Variants in KRABD3 observed in about 807,000 individuals in gnomAD.
KRABD3 encodes KRAB domain containing 3, also known as KRAB domain-containing protein 3.
the KRABD3 span, chr7:149,730,369 C>G: frequency 6.5e-6 from 10 of 1,548,558 alleles, no homozygotes; most frequent in Non-Finnish European, 8.7e-6. Flanking sequence ...GGGAGGATAG[C>G]GGGATGTGTG....
the KRABD3 span, chr7:149,723,820 C>A: frequency 6.2e-7 from 1 of 1,613,956 alleles, no homozygotes; most frequent in Non-Finnish European, 8.5e-7. Flanking sequence ...GGACAGGCAT[C>A]CCAGTCCCTC....
chr7:149,714,990 T>A, the KRABD3 span: 1 of 1,202,176 alleles, frequency 8.3e-7, no homozygotes. Context: ...CCGACGAGGG[T>A]CGCGTGCGCC....
At chr7:149,729,955 G>T in the KRABD3 span, 14 of 1,289,174 alleles carry the variant, frequency 1.1e-5, no homozygotes, top group Non-Finnish European at 1.4e-5. Flanking sequence ...AGCTGCTGGG[G>T]TCCTGGCCAG....
the KRABD3 span, among the ~76,000 whole-genome samples, chr7:149,727,772 G>C: frequency 6.6e-6 from 1 of 152,168 alleles, no homozygotes; most frequent in Non-Finnish European, 1.5e-5. Flanking sequence ...GGCTCCCTCT[G>C]TTGCCCCAGA....
At chr7:149,733,338 G>A in the KRABD3 span, 1 of 1,612,378 alleles carries the variant, frequency 6.2e-7, no homozygotes, top group Admixed American at 1.7e-5. Context: ...CCATGCCACT[G>A]TGGGAAGCCC....
the KRABD3 span, chr7:149,721,046 GCAC>G: frequency 6.3e-7 from 1 of 1,590,568 alleles, no homozygotes; most frequent in African/African-American, 1.3e-5. Context: ...GCATGATGAA[GCAC>G]AAGTCCACGG....
At chr7:149,715,839 G>T in the KRABD3 span, among the ~76,000 whole-genome samples, 2 of 152,222 alleles carry the variant, frequency 1.3e-5, no homozygotes, top group African/African-American at 4.8e-5. Context: ...GGACAGTCAA[G>T]TGTCCTTTTC....
chr7:149,728,398 C>A, the KRABD3 span: 1 of 1,120,640 alleles, frequency 8.9e-7, no homozygotes, highest in Non-Finnish European at 1.3e-6. Context: ...CTGACACGTC[C>A]AGTGCTCTGT....
chr7:149,716,695 G>T, the KRABD3 span, among the ~76,000 whole-genome samples: 4 of 152,216 alleles, frequency 2.6e-5, no homozygotes, highest in Admixed American at 1.3e-4. Flanking sequence ...GAAGAGCTGG[G>T]ATATATTTAG....
chr7:149,721,868 C>T, the KRABD3 span: 7 of 494,402 alleles, frequency 1.4e-5, no homozygotes, highest in African/African-American at 9.6e-5. Context: ...CTGGTCTGAT[C>T]CTTAGACCGT....
At chr7:149,720,120 TC>T in the KRABD3 span, 2 of 1,551,698 alleles carry the variant, frequency 1.3e-6, no homozygotes, top group East Asian at 4.9e-5. Context: ...GTTGTGGAGA[TC>T]CCCAGGGTAA....
the KRABD3 span, chr7:149,726,002 C>A: frequency 6.2e-7 from 1 of 1,612,650 alleles, no homozygotes; most frequent in Admixed American, 1.7e-5. Flanking sequence ...CCAGCAGCAC[C>A]GACTGGGACC....
chr7:149,723,696 A>C, the KRABD3 span: 1 of 1,596,822 alleles, frequency 6.3e-7, no homozygotes, highest in East Asian at 2.2e-5. Flanking sequence ...GGCTGAGGAC[A>C]CTGAGCTCCA....
At chr7:149,729,229 G>C in the KRABD3 span, 4 of 1,597,662 alleles carry the variant, frequency 2.5e-6, no homozygotes, top group South Asian at 1.1e-5. Flanking sequence ...TCTCGGGCAG[G>C]GTAGGGGAGA....
the KRABD3 span, chr7:149,721,790 C>T: frequency 1.5e-6 from 1 of 651,652 alleles, no homozygotes; most frequent in East Asian, 3.1e-5. Flanking sequence ...GCACTTTGTA[C>T]ACAGAAAGTC....
At chr7:149,726,891 G>A in the KRABD3 span, among the ~76,000 whole-genome samples, 3 of 152,158 alleles carry the variant, frequency 2.0e-5, no homozygotes, top group Non-Finnish European at 4.4e-5. Context: ...ATGGGTGACA[G>A]AGTGAGACCC....
the KRABD3 span, chr7:149,715,450 TG>T: frequency 1.3e-6 from 1 of 766,586 alleles, no homozygotes; most frequent in South Asian, 6.1e-5. Flanking sequence ...CCCCAAGTTT[TG>T]TCTTGGGAAG....
chr7:149,724,614 G>T, the KRABD3 span: 12 of 1,456,594 alleles, frequency 8.2e-6, no homozygotes, highest in Non-Finnish European at 1.0e-5. Context: ...GTGAGTCCAG[G>T]CCTGAACCTT....
chr7:149,725,806 C>T, the KRABD3 span: 6 of 1,330,374 alleles, frequency 4.5e-6, no homozygotes, highest in Admixed American at 5.7e-5. Flanking sequence ...GCAGGGTCTT[C>T]TGGTGCCCGT....
Sources: gnomAD v4.1 joint callset for allele counts (sites outside exome capture counted in the v4.1 genomes callset) on GRCh38, gnomAD v4.1.1 for gene constraint, MANE v1.5 for transcripts, NCBI Gene and HGNC (gene_info 2026-07-23, HGNC 2026-07-21) for gene names.